The following PARM1 variants were observed in gnomAD, a reference collection of about 807,000 sequenced individuals.
PARM1 encodes WSC4, cell wall integrity and stress response component 4 homolog.
PARM1 carries 14 observed loss-of-function variants against 24.6 expected under a neutral mutation model. That is an observed-to-expected ratio of 0.57 (90% CI 0.38 to 0.89). The LOEUF is 0.89. Among genes scored for constraint, PARM1 ranks in the 40% least tolerant of loss-of-function variants. The pLI is 0.00. For missense variants in PARM1, 362 were observed against 380.4 expected (o/e 0.95, Z 0.40); for synonymous variants, 179 against 156.6 (o/e 1.14, Z -1.07).
At chr4:75,045,687 T>G (rs1035602298) in intron 3 of PARM1, among the ~76,000 whole-genome samples, 2 of 152,174 alleles carry the variant, frequency 1.3e-5, no homozygotes, top group African/African-American at 2.4e-5. Context: ...GAGGATCAAG[T>G]AAAAACTAAA....
intron 1 of PARM1, among the ~76,000 whole-genome samples, chr4:74,971,803 C>T (rs1722043128): frequency 6.6e-6 from 1 of 152,094 alleles, no homozygotes; most frequent in African/African-American, 2.4e-5. Context: ...CCTCTGATCC[C>T]AATCTTTTCC....
chr4:74,987,535 C>A (rs919060993), intron 1 of PARM1, among the ~76,000 whole-genome samples: 4 of 152,214 alleles, frequency 2.6e-5, no homozygotes, highest in Middle Eastern at 3.4e-3. Flanking sequence ...GTAAAAACTT[C>A]TTTTAAATTT....
chr4:75,046,333 T>C lies in PARM1; in HGVS notation c.*86T>C. 3 of 852,106 alleles carry C rather than the reference T, an allele frequency of 3.5e-6. No individual in the cohort carries two copies. The highest frequency in any genetic ancestry group is 5.8e-6 in the Non-Finnish European group (3 of 518,918). 52.8% of individuals were successfully genotyped at this position (852,106 alleles called of 1,614,324 possible). On this transcript the variant is annotated 3_prime_UTR_variant, in exon 4 of 4. Coordinates refer to ENST00000307428, the MANE Select transcript of PARM1 (RefSeq NM_015393.4). ...AGAATTAATAAGTACCTGATGCGCA[T>C]TGAACGACAATCTTAAGCCCTGTTT... is the stretch of plus-strand genomic sequence containing the variant.
chr4:74,933,266 C>T lies in PARM1; in HGVS notation c.-62C>T, dbSNP rs1721104054. ...GGAGTCGCTACCAGCGCCCAGTGCG[C>T]TCTGTCAGTCCGCAAACTCCTTGCC... is the stretch of plus-strand genomic sequence containing the variant. On this transcript the variant is annotated 5_prime_UTR_variant, in exon 1 of 4. Transcript: ENST00000307428. 6.8e-7 allele frequency: 1 copy of T among 1,477,060 alleles called. No homozygotes were observed. The highest frequency in any genetic ancestry group is 1.2e-5 in the South Asian group (1 of 86,790). 91.5% of individuals were successfully genotyped at this position (1,477,060 alleles called of 1,614,324 possible). A position where few individuals can be genotyped will look rare whatever the true frequency, so the allele number is the denominator to read the frequency against.
At position 75,047,693 on chromosome 4, in the gene PARM1, T is replaced by G. The variant is rs1429428483; in HGVS notation, c.*1446T>G. The G allele has an allele frequency of 6.6e-6, 1 of 152,242 alleles. No homozygotes were observed. 9.4% of individuals were successfully genotyped at this position (152,242 alleles called of 1,614,324 possible). Reference sequence around the variant, plus strand: ...CCCAAAATATCAGTAGTGCCGAGATTGAGAAACCCTGATTTATCACAATGC... The same window carrying G: ...CCCAAAATATCAGTAGTGCCGAGATGGAGAAACCCTGATTTATCACAATGC... On this transcript the variant is annotated 3_prime_UTR_variant, in exon 4 of 4. Transcript: ENST00000307428.
chr4:75,018,078 A>G (rs1320008275), intron 2 of PARM1, among the ~76,000 whole-genome samples: 1 of 152,246 alleles, frequency 6.6e-6, no homozygotes, highest in Non-Finnish European at 1.5e-5. Context: ...AATGCCCACC[A>G]TCTTCAACAA....
intron 1 of PARM1, among the ~76,000 whole-genome samples, chr4:74,948,086 CA>C (rs1277478490): frequency 6.6e-6 from 1 of 152,176 alleles, no homozygotes; most frequent in Non-Finnish European, 1.5e-5. Flanking sequence ...CTCTGCCAAC[CA>C]AAAGTCTCTT....
intron 1 of PARM1, among the ~76,000 whole-genome samples, chr4:74,959,328 A>C (rs1721714427): frequency 6.6e-6 from 1 of 152,204 alleles, no homozygotes; most frequent in Non-Finnish European, 1.5e-5. Context: ...AACTAATGAC[A>C]GACCTGGTGC....
rs1314880681 is a variant in PARM1, at chr4:75,049,155, T to C, written c.*2908T>C. ...CTTCTCGGCCATCGACTGCAGATGA[T>C]GAAAGAGCGGGATTCAACTTTGTTT... On this transcript the variant is annotated 3_prime_UTR_variant, in exon 4 of 4. Transcript: ENST00000307428. 1 of 152,196 alleles carries C rather than the reference T, an allele frequency of 6.6e-6. No individual in the cohort carries two copies. Among genetic ancestry groups the C allele is most frequent in the Non-Finnish European group, 1.5e-5 (1 of 68,046 alleles). 9.4% of individuals were successfully genotyped at this position (152,196 alleles called of 1,614,324 possible).
chr4:74,999,448 G>A (rs769939999), intron 1 of PARM1, among the ~76,000 whole-genome samples: 1 of 152,166 alleles, frequency 6.6e-6, no homozygotes, highest in Non-Finnish European at 1.5e-5. Flanking sequence ...GAGGTCAGGT[G>A]CAGGAGACAT....
intron 1 of PARM1, 38 bp from the exon 2 acceptor site, chr4:75,012,387 T>C (rs1208497092): frequency 6.3e-7 from 1 of 1,595,284 alleles, no homozygotes; most frequent in Admixed American, 1.7e-5. Flanking sequence ...TTACCGTGTT[T>C]TCACATATTA....
At chr4:75,000,431 A>T (rs963927554) in intron 1 of PARM1, among the ~76,000 whole-genome samples, 3 of 152,172 alleles carry the variant, frequency 2.0e-5, no homozygotes, top group Admixed American at 1.3e-4. Flanking sequence ...CAATATCATC[A>T]AGGAGAAAGT....
intron 1 of PARM1, among the ~76,000 whole-genome samples, chr4:74,937,785 T>C (rs1721223677): frequency 6.6e-6 from 1 of 152,242 alleles, no homozygotes; most frequent in African/African-American, 2.4e-5. Context: ...AGATCTCAAC[T>C]AATATTCCAG....
rs938774329 is a variant in PARM1 at position 75,012,491 on chromosome 4, C to T, written c.110C>T (p.Pro37Leu). The T allele has an allele frequency of 1.8e-5, 29 of 1,613,948 alleles. No individual in the cohort carries two copies. The highest frequency in any genetic ancestry group is 2.4e-5 in the Non-Finnish European group (28 of 1,179,892). The change falls in exon 2 of 4, where the codon CCA (proline) becomes CTA (leucine). Residue 37 changes from proline (P) to leucine (L), a missense_variant. Pro to Leu is a moderately conservative substitution (Grantham distance 98). Transcript: ENST00000307428. ...GTTTCTCTTCCGACAAACATTGTAC[C>T]ACCGACCACCATCTGGACTAGCTCT... is the stretch of plus-strand genomic sequence containing the variant. ...LSVSLPTNIV[P>L]PTTIWTSSPQ...
At position 75,020,296 on chromosome 4, in the gene PARM1, G is replaced by A. The variant is rs899171184; in HGVS notation, c.769+7146G>A. Among the ~76,000 whole-genome samples the A allele has an allele frequency of 3.3e-5, 5 of 152,052 alleles. No homozygotes were observed. The South Asian group carries it at 1.0e-3, about 32-fold the overall frequency. On this transcript the variant is annotated intron_variant, in intron 2 of 3. Coordinates refer to ENST00000307428, the MANE Select transcript of PARM1 (RefSeq NM_015393.4). ...TTACAAATATTAGATCATTGTATAT[G>A]CCCAGACCTGGTCGTCTTACGGTGA... is the stretch of plus-strand genomic sequence containing the variant.
At chr4:75,017,240 C>T (rs1578052263) in intron 2 of PARM1, among the ~76,000 whole-genome samples, 3 of 152,156 alleles carry the variant, frequency 2.0e-5, no homozygotes, top group Admixed American at 2.0e-4. Flanking sequence ...ACTATCCATC[C>T]GCTCTCACAT....
intron 1 of PARM1, among the ~76,000 whole-genome samples, chr4:74,983,477 C>T (rs937726900): frequency 6.6e-6 from 1 of 152,110 alleles, no homozygotes; most frequent in Non-Finnish European, 1.5e-5. Context: ...GATAGCACTA[C>T]CAGCTATGAA....
rs1444714404 is a variant in PARM1 at position 75,047,680 on chromosome 4, G to C, written c.*1433G>C. The C allele has an allele frequency of 6.6e-6, 1 of 152,188 alleles. No homozygotes were observed. Among genetic ancestry groups the C allele is most frequent in the Non-Finnish European group, 1.5e-5 (1 of 68,046 alleles). The allele number at this position is 152,188 out of a possible 1,614,324, so 9.4% of individuals were successfully genotyped here. On this transcript the variant is annotated 3_prime_UTR_variant, in exon 4 of 4. Transcript: ENST00000307428. ...AAGAATCATCCACCCCAAAATATCA[G>C]TAGTGCCGAGATTGAGAAACCCTGA...
chr4:74,967,043 G>T (rs557553612), intron 1 of PARM1: 1 of 152,266 alleles, frequency 6.6e-6, no homozygotes, highest in South Asian at 2.1e-4. Flanking sequence ...CCTTATCCAG[G>T]TGTAAGAACT....
Sources: gnomAD v4.1 joint callset for allele counts (sites outside exome capture counted in the v4.1 genomes callset) on GRCh38, gnomAD v4.1.1 for gene constraint, MANE v1.5 for transcripts, NCBI Gene and HGNC (gene_info 2026-07-23, HGNC 2026-07-21) for gene names.